UNC13D: variants seen among roughly 807,000 people sequenced by gnomAD.
The protein encoded by UNC13D is unc-13 homolog D.
In UNC13D, 115 loss-of-function variants were observed where a neutral mutation model predicts 151.7. That is an observed-to-expected ratio of 0.76 (90% CI 0.65 to 0.88). The LOEUF is 0.88. UNC13D is among the 40% of genes least tolerant of loss of function. The probability of loss-of-function intolerance (pLI) is 0.00; values close to 1 mark genes in which losing one functional copy is unlikely to be tolerated. For synonymous variants in UNC13D, 588 were observed against 612.2 expected (o/e 0.96, Z 0.58); for missense variants, 1,369 against 1,438.7 (o/e 0.95, Z 0.78).
rs368637575 is a variant in UNC13D, at chr17:75,833,078, C to T, written c.2368-33G>A. 22 of 1,579,612 alleles carry T rather than the reference C, an allele frequency of 1.4e-5. No homozygotes were observed. Among genetic ancestry groups the T allele is most frequent in the Middle Eastern group, 2.0e-4 (1 of 5,050 alleles). On this transcript the variant is annotated intron_variant, in intron 24 of 31. Coordinates refer to ENST00000207549, the MANE Select transcript of UNC13D (RefSeq NM_199242.3). The surrounding 1 kb of genome is among the most constrained non-coding windows in gnomAD (Gnocchi z 4.0). ...GGGAGATGGGGAGCAGGTGTGGCTC[C>T]GGCCCATGTTGGCCCCACCCCCATC...
intron 30 of UNC13D, among the ~76,000 whole-genome samples, chr17:75,829,393 T>C (rs924711295): frequency 6.6e-6 from 1 of 151,926 alleles, no homozygotes; most frequent in African/African-American, 2.4e-5. Context: ...CCTCCCGGGT[T>C]CAAGTGGTTC....
rs1383311404 is a variant in UNC13D, at chr17:75,843,227, G to A, written c.193C>T (p.His65Tyr). The change falls in exon 3 of 32, where the codon CAC (histidine) becomes TAC (tyrosine). Residue 65 changes from histidine (H) to tyrosine (Y), a missense_variant. By Grantham distance (83) the His-to-Tyr change is moderately conservative. Coordinates refer to ENST00000207549, the MANE Select transcript of UNC13D (RefSeq NM_199242.3). Reference protein sequence around the residue: ...LYEDALYTVLHRLGHPEPNHV... With the variant: ...LYEDALYTVLYRLGHPEPNHV... The stretch of plus-strand genomic sequence containing the variant: ...TTGGGCTCAGGATGACCCAGGCGGT[G>A]CAAGACAGTGTAGAGTGCGTCCTCG... 1.2e-6 allele frequency: 2 copies of A among 1,611,056 alleles called. No individual in the cohort carries two copies. The highest frequency in any genetic ancestry group is 1.1e-5 in the South Asian group (1 of 91,082).
In UNC13D at chr17:75,827,324, G is replaced by A; in HGVS notation, c.*641C>T. 2.3e-6 allele frequency: 2 copies of A among 878,622 alleles called. No individual in the cohort carries two copies. Among genetic ancestry groups the A allele is most frequent in the Non-Finnish European group, 1.6e-6 (1 of 628,380 alleles). The allele number at this position is 878,622 out of a possible 1,614,324, so 54.4% of individuals were successfully genotyped here. A position where few individuals can be genotyped will look rare whatever the true frequency, so the allele number is the denominator to read the frequency against. On this transcript the variant is annotated 3_prime_UTR_variant, in exon 32 of 32. Coordinates refer to ENST00000207549, the MANE Select transcript of UNC13D (RefSeq NM_199242.3). ...GGAGGGGGCGTGCGCAGCAGACACA[G>A]CAGCCAAACTGTCCTTTCTGCTTCC...
intron 2 of UNC13D, 85 bp downstream of exon 2, chr17:75,843,399 T>C: frequency 1.8e-5 from 29 of 1,570,578 alleles, no homozygotes; most frequent in Non-Finnish European, 2.5e-5. Context: ...CCACCGCAAG[T>C]TGCTTGCTGC....
rs774613615 is a variant in UNC13D at position 75,831,232 on chromosome 17, G to C, written c.2553+11C>G. On this transcript the variant is annotated intron_variant, in intron 26 of 31. Coordinates refer to ENST00000207549, the MANE Select transcript of UNC13D (RefSeq NM_199242.3). ...CACCAGGGTTATCATTGCTGTGACC[G>C]GTTCTGTTACCTGCAGGGCAATCTT... 9.3e-6 allele frequency: 15 copies of C among 1,613,982 alleles called. No homozygotes were observed. Among genetic ancestry groups the C allele is most frequent in the Non-Finnish European group, 1.2e-5 (14 of 1,180,026 alleles).
chr17:75,832,752 T>G lies in UNC13D; in HGVS notation c.2447+214A>C. The G allele has an allele frequency of 1.9e-6, 1 of 532,712 alleles. No homozygotes were observed. The highest frequency in any genetic ancestry group is 3.5e-6 in the Non-Finnish European group (1 of 288,536). The allele number at this position is 532,712 out of a possible 1,614,324, so 33.0% of individuals were successfully genotyped here. On this transcript the variant is annotated intron_variant, in intron 25 of 31. Coordinates refer to ENST00000207549, the MANE Select transcript of UNC13D (RefSeq NM_199242.3). The surrounding 1 kb of genome is among the most constrained non-coding windows in gnomAD (Gnocchi z 4.3). Reference sequence around the variant, plus strand: ...GCCTTAGCAGAGCCTGTTGCACCCATAAGGGAGGTCACCAAAGGGATTCAC... The same window carrying G: ...GCCTTAGCAGAGCCTGTTGCACCCAGAAGGGAGGTCACCAAAGGGATTCAC...
chr17:75,841,241 T>A (rs1599413627), intron 6 of UNC13D: 1 of 468,630 alleles, frequency 2.1e-6, no homozygotes, highest in Non-Finnish European at 3.8e-6. Context: ...GCCTCCTGGG[T>A]TCAAGCAATT....
chr17:75,835,307 C>A, intron 20 of UNC13D, 102 bp downstream of exon 20: 1 of 1,481,798 alleles, frequency 6.7e-7, no homozygotes, highest in Non-Finnish European at 9.1e-7. Context: ...AAGGGATGTT[C>A]AGAGCGGGTT....
Position 75,832,246 on chromosome 17 carries a change from C to T in UNC13D, c.2447+720G>A, listed in dbSNP as rs1421345211. 2 of 152,336 alleles carry T rather than the reference C, an allele frequency of 1.3e-5. No individual in the cohort carries two copies. The highest frequency in any genetic ancestry group is 2.4e-5 in the African/African-American group (1 of 41,474). 9.4% of individuals were successfully genotyped at this position (152,336 alleles called of 1,614,324 possible). ...TGCGGCCTCTTCAGGGCCCAGATTC[C>T]ACAGGGAGGTGGGGCGCTGTCATCA... On this transcript the variant is annotated intron_variant, in intron 25 of 31. Transcript: ENST00000207549. This position sits in a 1 kb window ranked among gnomAD's most constrained non-coding sequence, Gnocchi z 4.3.
At position 75,840,199 on chromosome 17, in the gene UNC13D, G is replaced by A. The variant is rs151334863; in HGVS notation, c.858+26C>T. 2.7e-5 allele frequency: 43 copies of A among 1,613,252 alleles called. No homozygotes were observed. In the African/African-American group the frequency reaches 5.2e-4, roughly 19 times the overall value. On this transcript the variant is annotated intron_variant, in intron 10 of 31. Coordinates refer to ENST00000207549, the MANE Select transcript of UNC13D (RefSeq NM_199242.3). This position sits in a 1 kb window ranked among gnomAD's most constrained non-coding sequence, Gnocchi z 4.6. ...GCAGACCGCCGCAAGAGCTGGGCAT[G>A]GCCACTGGCCCAGTACCCGACCTAC...
intron 13 of UNC13D, 50 bp from the exon 14 acceptor site, chr17:75,836,746 C>T (rs769549500): frequency 6.2e-7 from 1 of 1,613,498 alleles, no homozygotes; most frequent in South Asian, 1.1e-5. Context: ...CTGCTGCTCC[C>T]CTGCCCCTTC....
intron 5 of UNC13D, 36 bp downstream of exon 5, chr17:75,842,821 G>C (rs1191119233): frequency 1.2e-6 from 2 of 1,612,268 alleles, no homozygotes; most frequent in Non-Finnish European, 1.7e-6. Context: ...GAAGGAGCCA[G>C]GAAGAAGCCC....
chr17:75,828,705 C>T (rs75988962), intron 31 of UNC13D, 82 bp downstream of exon 31: 167,126 of 1,386,134 alleles, frequency 0.12, 11,124 homozygotes, highest in African/African-American at 0.22. Flanking sequence ...GTTCTCCGAC[C>T]CTGGCATCAC....
chr17:75,829,694 A>G (rs990254922), intron 30 of UNC13D: 2 of 311,812 alleles, frequency 6.4e-6, no homozygotes, highest in Admixed American at 4.6e-5. Flanking sequence ...TGGGTTAAGC[A>G]ATTCTCCTGC....
intron 12 of UNC13D, among the ~76,000 whole-genome samples, chr17:75,838,930 C>T (rs992292897): frequency 3.9e-5 from 6 of 152,050 alleles, no homozygotes; most frequent in Admixed American, 3.9e-4. Flanking sequence ...GAAACCCCAT[C>T]TCTACTAAAA....
chr17:75,836,402 C>T lies in UNC13D; in HGVS notation c.1326G>A (p.Lys442=). ...TGTTGGGGCACAGTTCTCCAAAGGC[C>T]TTCATCTTGCACATCTGTACCAGGA... ...LRVLVQMCKM[K]AFGELCPNTA... Residue 442 remains lysine, a synonymous_variant, in exon 15 of 32, where the codon AAG becomes AAA. Coordinates refer to ENST00000207549, the MANE Select transcript of UNC13D (RefSeq NM_199242.3). 1.2e-6 allele frequency: 2 copies of T among 1,613,678 alleles called. No homozygotes were observed. The highest frequency in any genetic ancestry group is 1.7e-6 in the Non-Finnish European group (2 of 1,180,036).
At chr17:75,836,973 T>G (rs1320967831) in intron 12 of UNC13D, 55 bp from the exon 13 acceptor site, 2 of 1,338,548 alleles carry the variant, frequency 1.5e-6, no homozygotes, top group Non-Finnish European at 2.0e-6. Context: ...TGCCTTCCCC[T>G]GTTCACCCGG....
At chr17:75,839,556 C>A (rs902891998) in intron 12 of UNC13D, among the ~76,000 whole-genome samples, 7 of 152,088 alleles carry the variant, frequency 4.6e-5, no homozygotes, top group Non-Finnish European at 1.0e-4. Context: ...GTGATCCGGG[C>A]AGGAGTGTTG....
At position 75,827,991 on chromosome 17, in the gene UNC13D, G is replaced by C. The variant is rs760585630; in HGVS notation, c.3247C>G (p.Gln1083Glu). ...TACGGTGCCGGCCGCAAGGCATGCTGGGAGGCCTGCTTGGCCCGGTGCCGC... is the reference window on the plus strand; with the variant it reads ...TACGGTGCCGGCCGCAAGGCATGCTCGGAGGCCTGCTTGGCCCGGTGCCGC... ...LRRHRAKQAS[Q>E]HALRPAP Residue 1083 changes from glutamine (Q) to glutamate (E), a missense_variant, in exon 32 of 32, where the codon CAG becomes GAG. Physicochemically the swap from Gln to Glu is conservative, Grantham distance 29. Transcript: ENST00000207549. 5 of 1,603,820 alleles carry C rather than the reference G, an allele frequency of 3.1e-6. No homozygotes were observed. The South Asian group carries it at 5.6e-5, about 18-fold the overall frequency.
Sources: allele counts gnomAD v4.1 joint callset (sites outside exome capture counted in the v4.1 genomes callset), GRCh38; gene constraint gnomAD v4.1.1; non-coding constraint Gnocchi (gnomAD v3.1); transcripts MANE v1.5; gene names NCBI Gene and HGNC (gene_info 2026-07-23, HGNC 2026-07-21).